PML: variants seen among roughly 807,000 people sequenced by gnomAD.
PML encodes the protein PML nuclear body scaffold, also known as protein PML.
Under a neutral mutation model 65.2 loss-of-function variants are expected in PML, and 28 were observed. The observed-to-expected ratio is 0.43, with a 90% CI of 0.32 to 0.59. The LOEUF (loss-of-function observed/expected upper bound fraction) is 0.59. PML is among the 20% of genes least tolerant of loss of function. The pLI, the probability that PML is intolerant of heterozygous loss-of-function variation, is 0.08. For missense variants in PML, 1,021 were observed against 1,203.4 expected, an observed-to-expected ratio of 0.85 and a Z score of 2.24; for synonymous variants, 500 against 508.8, an observed-to-expected ratio of 0.98 and a Z score of 0.23.
chr15:74,002,814 T>C (rs2069842890), intron 2 of PML, among the ~76,000 whole-genome samples: 1 of 151,974 alleles, frequency 6.6e-6, no homozygotes, highest in Non-Finnish European at 1.5e-5. Context: ...AATTACAGAG[T>C]GGTAACTTCC....
intron 2 of PML, among the ~76,000 whole-genome samples, chr15:74,009,880 G>T (rs1169375661): frequency 6.6e-6 from 1 of 152,214 alleles, no homozygotes; most frequent in African/African-American, 2.4e-5. Flanking sequence ...AGCAGCGCAA[G>T]CCAAGATCAG....
At position 74,037,625 on chromosome 15, in the gene PML, C is replaced by T. The variant is rs1595920044; in HGVS notation, c.1710+3095C>T. On this transcript the variant is annotated intron_variant, in intron 7 of 8. Transcript: ENST00000268058. The surrounding 1 kb of genome is among the most constrained non-coding windows in gnomAD (Gnocchi z 4.2). ...GCTTCCCCGCCAGTACCAGGGTGGCCTCTGTGCCTCTAGGTGCAGTGTCGC... is the reference window on the plus strand; with the variant it reads ...GCTTCCCCGCCAGTACCAGGGTGGCTTCTGTGCCTCTAGGTGCAGTGTCGC... 2 of 985,426 alleles carry T rather than the reference C, an allele frequency of 2.0e-6. No homozygotes were observed. Among genetic ancestry groups the T allele is most frequent in the Non-Finnish European group, 2.4e-6 (2 of 829,936 alleles). 61.0% of individuals were successfully genotyped at this position (985,426 alleles called of 1,614,324 possible). A position where few individuals can be genotyped will look rare whatever the true frequency, so the allele number is the denominator to read the frequency against.
intron 7 of PML, 84 bp downstream of exon 7, chr15:74,034,614 C>G: frequency 6.2e-7 from 1 of 1,614,034 alleles, no homozygotes. Flanking sequence ...AGGTGACTCT[C>G]AGACTTGCCT....
In PML at chr15:74,042,784, T is replaced by C. The variant is rs954976242; in HGVS notation, c.1711-205T>C. The C allele has an allele frequency of 5.1e-6, 5 of 985,132 alleles. No homozygotes were observed. Among genetic ancestry groups the C allele is most frequent in the Non-Finnish European group, 4.8e-6 (4 of 829,846 alleles). 61.0% of individuals were successfully genotyped at this position (985,132 alleles called of 1,614,324 possible). On this transcript the variant is annotated intron_variant, in intron 7 of 8. Coordinates refer to ENST00000268058, the MANE Select transcript of PML (RefSeq NM_033238.3). This position sits in a 1 kb window ranked among gnomAD's most constrained non-coding sequence, Gnocchi z 5.3. ...TCATGAGGGTGTATGCCCTGGTTCA[T>C]ACATGTAACCCTCACATGTGACACA... is the stretch of plus-strand genomic sequence containing the variant.
chr15:74,023,921 C>A (rs1054226891), intron 3 of PML, among the ~76,000 whole-genome samples: 7 of 152,168 alleles, frequency 4.6e-5, no homozygotes, highest in African/African-American at 1.7e-4. Flanking sequence ...GTCTGCCAAC[C>A]TTTGCGCGCC....
chr15:74,045,504 G>A lies in PML; in HGVS notation c.*496G>A, dbSNP rs2071762192. On this transcript the variant is annotated 3_prime_UTR_variant, in exon 9 of 9. Transcript: ENST00000268058. ...TCCAAACCAAACTGCCCCTCATGAG[G>A]TTAGGGTCCCCCACCCTCCACCTGC... 8.4e-6 allele frequency: 2 copies of A among 238,556 alleles called. No individual in the cohort carries two copies. The highest frequency in any genetic ancestry group is 2.2e-5 in the African/African-American group (1 of 45,388). 14.8% of individuals were successfully genotyped at this position (238,556 alleles called of 1,614,324 possible).
rs182503720 is a variant in PML, at chr15:74,010,918, A to G, written c.603-11910A>G. On this transcript the variant is annotated intron_variant, in intron 2 of 8. Coordinates refer to ENST00000268058, the MANE Select transcript of PML (RefSeq NM_033238.3). ...CACCTTGAAGGGTTTATTTGTCTCT[A>G]TAAGTTGCATCTAAAACAAACTGTA... Among the ~76,000 whole-genome samples, 156 of 152,352 alleles carry G rather than the reference A, an allele frequency of 1.0e-3. 3 individuals are homozygous for G. Among genetic ancestry groups the G allele is most frequent in the Admixed American group, 9.9e-3 (152 of 15,304 alleles).
intron 2 of PML, among the ~76,000 whole-genome samples, chr15:74,017,507 G>T (rs1373389441): frequency 1.3e-5 from 2 of 151,994 alleles, no homozygotes; most frequent in African/African-American, 4.8e-5. Flanking sequence ...GAATTAGCCA[G>T]GTGTGGTGGC....
intron 6 of PML, 51 bp from the exon 7 acceptor site, chr15:74,034,427 C>T: frequency 6.2e-7 from 1 of 1,613,928 alleles, no homozygotes; most frequent in Non-Finnish European, 8.5e-7. Context: ...CACACCCCTC[C>T]CAGCATGCAT....
At chr15:74,005,954 C>T (rs2070025516) in intron 2 of PML, among the ~76,000 whole-genome samples, 1 of 152,210 alleles carries the variant, frequency 6.6e-6, no homozygotes, top group Admixed American at 6.5e-5. Context: ...CAGATGGTGT[C>T]AGCTTGTAAG....
At chr15:74,007,439 T>C (rs2070115702) in intron 2 of PML, among the ~76,000 whole-genome samples, 1 of 152,184 alleles carries the variant, frequency 6.6e-6, no homozygotes, top group Non-Finnish European at 1.5e-5. Flanking sequence ...ACCTGAAAAA[T>C]CATGTGCTCC....
At chr15:74,011,111 C>T (rs2070313827) in intron 2 of PML, among the ~76,000 whole-genome samples, 1 of 152,210 alleles carries the variant, frequency 6.6e-6, no homozygotes, top group African/African-American at 2.4e-5. Flanking sequence ...TCTTCCAAGA[C>T]TGGTCCATTC....
rs2071776811 is a variant in PML at position 74,046,917 on chromosome 15, A to G, written c.*1909A>G. The G allele has an allele frequency of 4.3e-6, 1 of 229,974 alleles. No individual in the cohort carries two copies. Among genetic ancestry groups the G allele is most frequent in the Non-Finnish European group, 8.6e-6 (1 of 116,070 alleles). The allele number at this position is 229,974 out of a possible 1,614,324, so 14.2% of individuals were successfully genotyped here. A position where few individuals can be genotyped will look rare whatever the true frequency, so the allele number is the denominator to read the frequency against. ...TGTGTTTTGTGGGGCGTCTTTTAGGACTTAGCAGAGCTGAGAGCCCTTTGT... is the reference window on the plus strand; with the variant it reads ...TGTGTTTTGTGGGGCGTCTTTTAGGGCTTAGCAGAGCTGAGAGCCCTTTGT... On this transcript the variant is annotated 3_prime_UTR_variant, in exon 9 of 9. Transcript: ENST00000268058.
rs781633419 is a variant in PML at position 73,998,398 on chromosome 15, G to T, written c.524G>T (p.Arg175Leu). Residue 175 changes from arginine (R) to leucine (L), a missense_variant, in exon 2 of 9, where the codon CGT (arginine) becomes CTT (leucine). By Grantham distance (102) the Arg-to-Leu change is moderately radical. Coordinates refer to ENST00000268058, the MANE Select transcript of PML (RefSeq NM_033238.3). ...PLAELRNQSV[R>L]EFLDGTRKTN... ...GCAGAGCTGCGCAACCAGTCGGTGC[G>T]TGAGTTCCTGGACGGCACCCGCAAG... The T allele has an allele frequency of 3.1e-6, 5 of 1,613,932 alleles. No individual in the cohort carries two copies. Among genetic ancestry groups the T allele is most frequent in the Non-Finnish European group, 4.2e-6 (5 of 1,179,948 alleles).
intron 2 of PML, among the ~76,000 whole-genome samples, chr15:74,002,315 T>C (rs1179684793): frequency 2.6e-5 from 4 of 151,856 alleles, no homozygotes; most frequent in Non-Finnish European, 2.9e-5. Flanking sequence ...TACACAAATA[T>C]ATGTATATAA....
In PML at chr15:74,042,361, G is replaced by A. The variant is rs965734936; in HGVS notation, c.1711-628G>A. 53 of 985,262 alleles carry A rather than the reference G, an allele frequency of 5.4e-5. No homozygotes were observed. The highest frequency in any genetic ancestry group is 4.5e-4 in the East Asian group (4 of 8,826). 61.0% of individuals were successfully genotyped at this position (985,262 alleles called of 1,614,324 possible). On this transcript the variant is annotated intron_variant, in intron 7 of 8. Coordinates refer to ENST00000268058, the MANE Select transcript of PML (RefSeq NM_033238.3). This position sits in a 1 kb window ranked among gnomAD's most constrained non-coding sequence, Gnocchi z 5.3. ...AGGAGGCCAAGCAGTCCTTCCCCTC[G>A]CCTTTGTGTAGGACACTGGCACCTC...
chr15:74,035,638 G>T lies in PML; in HGVS notation c.1710+1108G>T, dbSNP rs148418079. On this transcript the variant is annotated intron_variant, in intron 7 of 8. Transcript: ENST00000268058. This position sits in a 1 kb window ranked among gnomAD's most constrained non-coding sequence, Gnocchi z 4.1. The stretch of plus-strand genomic sequence containing the variant: ...GGCATCAGCCCACCCCACCGGATAC[G>T]AGGGGCTGTGCGATCCCGCAGCCGC... 1.9e-6 allele frequency: 3 copies of T among 1,613,884 alleles called. No homozygotes were observed. The highest frequency in any genetic ancestry group is 2.2e-5 in the South Asian group (2 of 91,086).
intron 2 of PML, among the ~76,000 whole-genome samples, chr15:74,004,149 A>T (rs2069915353): frequency 6.6e-6 from 1 of 152,042 alleles, no homozygotes; most frequent in African/African-American, 2.4e-5. Flanking sequence ...TCACTCTGTC[A>T]CCCAGGTTGG....
rs768274916 is a variant in PML, at chr15:74,044,293, T to G, written c.1934T>G (p.Phe645Cys). 9 of 1,614,030 alleles carry G rather than the reference T, an allele frequency of 5.6e-6. No homozygotes were observed. The Admixed American group carries it at 1.5e-4, about 27-fold the overall frequency. ...KFRVVIQPEAFFSIYSKAVSL... is the reference protein window; with the variant it reads ...KFRVVIQPEACFSIYSKAVSL... ...CGCGTGGTCATCCAGCCTGAAGCCT[T>G]CTTCAGCATCTACTCCAAGGCCGTG... The change falls in exon 9 of 9, where the codon TTC becomes TGC. Residue 645 changes from phenylalanine to cysteine, a missense_variant. Physicochemically the swap from Phe to Cys is radical, Grantham distance 205. Coordinates refer to ENST00000268058, the MANE Select transcript of PML (RefSeq NM_033238.3).
Sources: allele counts gnomAD v4.1 joint callset (sites outside exome capture counted in the v4.1 genomes callset), GRCh38; gene constraint gnomAD v4.1.1; non-coding constraint Gnocchi (gnomAD v3.1); transcripts MANE v1.5; gene names NCBI Gene and HGNC (gene_info 2026-07-23, HGNC 2026-07-21).